The following NPHP3 variants were observed in gnomAD, a reference collection of about 807,000 sequenced individuals.
The protein encoded by NPHP3 is nephrocystin 3, also known as nephrocystin-3.
Under a neutral mutation model 171.9 loss-of-function variants are expected in NPHP3, and 123 were observed. The ratio of observed to expected loss-of-function variants is 0.72; its 90% confidence interval spans 0.62 to 0.83. NPHP3 has a LOEUF of 0.83. Ranked by LOEUF, NPHP3 falls within the 40% of genes least tolerant of loss-of-function variation. NPHP3 has a pLI of 0.00. For missense variants in NPHP3, 1,506 were observed against 1,591.9 expected (o/e 0.95, Z 0.92); for synonymous variants, 558 against 579.2 (o/e 0.96, Z 0.52).
chr3:132,694,400 T>A (rs1939392836), intron 16 of NPHP3, among the ~76,000 whole-genome samples: 1 of 151,466 alleles, frequency 6.6e-6, no homozygotes, highest in South Asian at 2.1e-4. Flanking sequence ...CACACATATA[T>A]ATATGAAACA....
At chr3:132,707,971 A>G (rs1939798473) in intron 7 of NPHP3, 130 bp downstream of exon 7, 5 of 842,542 alleles carry the variant, frequency 5.9e-6, no homozygotes, top group Non-Finnish European at 9.8e-6. Context: ...TACTCCCCTC[A>G]CTTATCTGTT....
Position 132,686,307 on chromosome 3 carries a change from C to A in NPHP3, c.3282G>T (p.Arg1094=). 1.9e-6 allele frequency: 3 copies of A among 1,613,876 alleles called. No individual in the cohort carries two copies. Among genetic ancestry groups the A allele is most frequent in the Middle Eastern group, 3.3e-4 (2 of 6,060 alleles). ...TLGKDTPDNA[R]TLNELGVLYY... ...AGAGAACACCCAGTTCATTGAGGGT[C>A]CGAGCATTATCAGGTGTGTCCTTAC... The change falls in exon 23 of 27, where the codon CGG becomes CGT. Residue 1094 remains arginine (R), a synonymous_variant. Coordinates refer to ENST00000337331, the MANE Select transcript of NPHP3 (RefSeq NM_153240.5).
intron 2 of NPHP3, 133 bp downstream of exon 2, chr3:132,719,572 A>C (rs996695458): frequency 3.6e-6 from 2 of 554,142 alleles, no homozygotes; most frequent in Non-Finnish European, 2.8e-6. Flanking sequence ...AGTGCTCTAC[A>C]CTAATTCTTA....
At position 132,694,979 on chromosome 3, in the gene NPHP3, G is replaced by A. The variant is rs1939408829; in HGVS notation, c.2172-14C>T. On this transcript the variant is annotated splice_polypyrimidine_tract_variant and intron_variant, in intron 15 of 26. Coordinates refer to ENST00000337331, the MANE Select transcript of NPHP3 (RefSeq NM_153240.5). ...GCTCTCCCAGCACTGTTGGAATCGA[G>A]AAGAGATTTAATTTCTTACAGATTG... is the stretch of plus-strand genomic sequence containing the variant. The A allele has an allele frequency of 6.2e-7, 1 of 1,613,232 alleles. No individual in the cohort carries two copies. The highest frequency in any genetic ancestry group is 1.1e-5 in the South Asian group (1 of 91,044).
chr3:132,682,462 G>A, intron 26 of NPHP3: 1 of 568,686 alleles, frequency 1.8e-6, no homozygotes, highest in Non-Finnish European at 3.1e-6. Flanking sequence ...AGAGCCAGAT[G>A]TAGTATAAAC....
chr3:132,684,721 C>T lies in NPHP3; in HGVS notation c.3403G>A (p.Ala1135Thr). 1 of 1,614,028 alleles carries T rather than the reference C, an allele frequency of 6.2e-7. No homozygotes were observed. Among genetic ancestry groups the T allele is most frequent in the Non-Finnish European group, 8.5e-7 (1 of 1,179,972 alleles). Residue 1135 changes from alanine (A) to threonine (T), a missense_variant, in exon 24 of 27, where the codon GCT (alanine) becomes ACT (threonine). By Grantham distance (58) the Ala-to-Thr change is moderately conservative. Coordinates refer to ENST00000337331, the MANE Select transcript of NPHP3 (RefSeq NM_153240.5). ...RVLGPDHPDC[A>T]QSLNNLAALC... ...GCTGCCAGATTATTCAAAGACTGAG[C>T]ACAGTCAGGGTGATCTGGTCCTAGA... is the stretch of plus-strand genomic sequence containing the variant.
intron 23 of NPHP3, chr3:132,685,957 A>G: frequency 3.0e-6 from 1 of 333,470 alleles, no homozygotes; most frequent in South Asian, 2.6e-5. Flanking sequence ...AGGCTGAGGC[A>G]GGAGAATAGC....
At chr3:132,684,520 T>C in intron 24 of NPHP3, 34 bp downstream of exon 24, 1 of 1,612,378 alleles carries the variant, frequency 6.2e-7, no homozygotes, top group Non-Finnish European at 8.5e-7. Context: ...ACTGATATGT[T>C]ATAAAACATG....
Position 132,716,803 on chromosome 3 carries a change from G to A in NPHP3, c.777C>T (p.Ala259=), listed in dbSNP as rs1384613347. ...LQQSFRGPEF[A]HSSIDVEGPF... ...GTCCTTCCACATCTATAGAACTATG[G>A]GCAAACTCAGGGCCTCTGAAGGACT... The change falls in exon 4 of 27, where the codon GCC becomes GCT. Residue 259 remains alanine (A), a synonymous_variant. Transcript: ENST00000337331. The A allele has an allele frequency of 8.1e-6, 13 of 1,613,978 alleles. No individual in the cohort carries two copies. Among genetic ancestry groups the A allele is most frequent in the Non-Finnish European group, 1.1e-5 (13 of 1,179,998 alleles).
intron 1 of NPHP3, among the ~76,000 whole-genome samples, chr3:132,720,080 T>C (rs1576688783): frequency 6.6e-6 from 1 of 152,336 alleles, no homozygotes; most frequent in East Asian, 1.9e-4. Context: ...TTAACTTTTT[T>C]TGAAACACTG....
intron 6 of NPHP3, chr3:132,712,481 A>G (rs1352858514): frequency 1.8e-5 from 8 of 456,722 alleles, no homozygotes; most frequent in Non-Finnish European, 3.1e-5. Context: ...AAAATACACG[A>G]ATGGGCCAGG....
chr3:132,703,553 C>CT (rs1302014807), intron 9 of NPHP3, among the ~76,000 whole-genome samples: 3 of 144,184 alleles, frequency 2.1e-5, no homozygotes, highest in Non-Finnish European at 4.6e-5. Flanking sequence ...ACTTACTATT[C>CT]TTTTTTTTCT....
At chr3:132,719,463 C>T (rs372279646) in intron 2 of NPHP3, among the ~76,000 whole-genome samples, 2 of 152,076 alleles carry the variant, frequency 1.3e-5, no homozygotes, top group East Asian at 1.9e-4. Context: ...CATATGGAAA[C>T]GCTTTCCTTT....
rs1939334345 is a variant in NPHP3 at position 132,692,831 on chromosome 3, A to G, written c.2311-13T>C. ...CAAGGCAGAGGATCTAGGTAGAAAA[A>G]CAAATTAACAGTAATCATAAAGCAC... On this transcript the variant is annotated splice_polypyrimidine_tract_variant and intron_variant, in intron 16 of 26. Transcript: ENST00000337331. 1 of 1,612,130 alleles carries G rather than the reference A, an allele frequency of 6.2e-7. No homozygotes were observed. Among genetic ancestry groups the G allele is most frequent in the East Asian group, 2.2e-5 (1 of 44,838 alleles).
Position 132,688,744 on chromosome 3 carries a change from C to G in NPHP3, c.3031G>C (p.Ala1011Pro), listed in dbSNP as rs1343178096. ...TAAGCATTTTCTGAGATTTCCAACGCCTGTTTATACAGTTGTTCTGCATTG... is the reference window on the plus strand; with the variant it reads ...TAAGCATTTTCTGAGATTTCCAACGGCTGTTTATACAGTTGTTCTGCATTG... The part of the protein sequence containing the change: ...FGNAEQLYKQ[A>P]LEISENAYGA... Residue 1011 changes from alanine (A) to proline (P), a missense_variant, in exon 21 of 27, where the codon GCG (alanine) becomes CCG (proline). Around this residue, in one of 3 missense-constraint regions of NPHP3, gnomAD observed 569 missense variants for 648.1 expected, o/e 0.88. Coordinates refer to ENST00000337331, the MANE Select transcript of NPHP3 (RefSeq NM_153240.5). The G allele has an allele frequency of 6.2e-7, 1 of 1,613,954 alleles. No individual in the cohort carries two copies. Among genetic ancestry groups the G allele is most frequent in the African/African-American group, 1.3e-5 (1 of 74,890 alleles).
At chr3:132,703,529 G>A (rs1482622939) in intron 9 of NPHP3, among the ~76,000 whole-genome samples, 1 of 151,022 alleles carries the variant, frequency 6.6e-6, no homozygotes. Flanking sequence ...TTCAAGAATT[G>A]GAAGAACAGA....
intron 17 of NPHP3, among the ~76,000 whole-genome samples, chr3:132,692,344 T>C (rs1263379380): frequency 6.6e-6 from 1 of 152,202 alleles, no homozygotes; most frequent in Non-Finnish European, 1.5e-5. Context: ...TGAAACATAA[T>C]TGAAAAAGAC....
chr3:132,691,387 T>C (rs1939295497), intron 17 of NPHP3, 101 bp from the exon 18 acceptor site: 1 of 813,642 alleles, frequency 1.2e-6, no homozygotes, highest in Non-Finnish European at 2.1e-6. Flanking sequence ...TCCTATTTTA[T>C]AGCTGTATAA....
chr3:132,692,624 T>TA (rs1231584772), intron 17 of NPHP3, 30 bp downstream of exon 17: 1 of 1,602,564 alleles, frequency 6.2e-7, no homozygotes, highest in East Asian at 2.2e-5. Flanking sequence ...CTTAAATAAA[T>TA]AAATAAAAAG....
Sources: allele counts gnomAD v4.1 joint callset (sites outside exome capture counted in the v4.1 genomes callset), GRCh38; gene constraint gnomAD v4.1.1; regional missense constraint gnomAD v4.1.1; transcripts MANE v1.5; gene names NCBI Gene and HGNC (gene_info 2026-07-23, HGNC 2026-07-21).